FGF13: variants seen among roughly 807,000 people sequenced by gnomAD.
FGF13 encodes fibroblast growth factor 13.
A neutral mutation model predicts 19.5 loss-of-function variants in FGF13; 2 were observed. That is an observed-to-expected ratio of 0.10 (90% confidence interval 0.04 to 0.32). The LOEUF is 0.32. Ranked by LOEUF, FGF13 falls within the 10% of genes least tolerant of loss-of-function variation. The pLI, the probability that FGF13 is intolerant of heterozygous loss-of-function variation, is 1.00. For synonymous variants in FGF13, 72 were observed against 76.9 expected (o/e 0.94, Z 0.33); for missense variants, 113 against 192.7 (o/e 0.59, Z 2.45).
chrX:138,678,798 T>G lies in FGF13; in HGVS notation c.402+24186A>C, dbSNP rs1174052916. On this transcript the variant is annotated intron_variant, in intron 3 of 4. Coordinates refer to ENST00000315930, the MANE Select transcript of FGF13 (RefSeq NM_004114.5). The stretch of plus-strand genomic sequence containing the variant: ...CCAAATTAAACAGGGAACAAAGCAC[T>G]CACAAGAGATGTTTTTCTTTATAAA... 1.4e-4 allele frequency among the ~76,000 whole-genome samples: 16 copies of G among 112,178 alleles called. No homozygotes were observed. The South Asian group carries it at 5.6e-3, about 39-fold the overall frequency.
intron 3 of FGF13, among the ~76,000 whole-genome samples, chrX:138,800,090 T>A (rs1293911565): frequency 8.9e-6 from 1 of 112,242 alleles, no homozygotes; most frequent in Non-Finnish European, 1.9e-5. Context: ...ATTAATATTG[T>A]TATGTGTGAA....
intron 1 of FGF13, among the ~76,000 whole-genome samples, chrX:138,916,675 T>C (rs1250905176): frequency 8.0e-5 from 9 of 112,536 alleles, no homozygotes; most frequent in Non-Finnish European, 1.7e-4. Flanking sequence ...ACATTCTACA[T>C]GCTATTCAGG....
rs549942536 is a variant in FGF13, at chrX:139,042,782, C to T, written c.-113+160634G>A. On this transcript the variant is annotated intron_variant, in intron 1 of 2. Transcript: ENST00000421460. Reference sequence around the variant, plus strand: ...GAGAGTGAGGTCACTTATCATTGAGCGACATCCCCGTATAATGTTAAATTT... The same window carrying T: ...GAGAGTGAGGTCACTTATCATTGAGTGACATCCCCGTATAATGTTAAATTT... 8.1e-5 allele frequency among the ~76,000 whole-genome samples: 9 copies of T among 111,292 alleles called. No homozygotes were observed. The East Asian group carries it at 8.5e-4, about 11-fold the overall frequency.
rs747963406 is a variant in FGF13, at chrX:138,627,280, A to AT, written c.*5569dup. 2.1e-4 allele frequency: 24 copies of AT among 111,793 alleles called. No homozygotes were observed. The highest frequency in any genetic ancestry group is 1.4e-3 in the East Asian group (5 of 3,579). 9.2% of individuals were successfully genotyped at this position (111,793 alleles called of 1,213,427 possible). ...AGTGATTGACTCAAAAGGAGCTGAG[A>AT]TTTTACTCAATCATTATCCCATACG... On this transcript the variant is annotated 3_prime_UTR_variant, in exon 5 of 5. Coordinates refer to ENST00000315930, the MANE Select transcript of FGF13 (RefSeq NM_004114.5).
At chrX:139,202,296 G>A (rs1404558248) in intron 1 of FGF13, among the ~76,000 whole-genome samples, 1 of 111,951 alleles carries the variant, frequency 8.9e-6, no homozygotes, top group Non-Finnish European at 1.9e-5. Flanking sequence ...GGGGAATGAC[G>A]TGCCTAGATC....
chrX:139,070,276 T>C (rs778315752), intron 1 of FGF13, among the ~76,000 whole-genome samples: 18 of 111,352 alleles, frequency 1.6e-4, no homozygotes, highest in African/African-American at 5.9e-4. Flanking sequence ...TTTAAACAAA[T>C]TTACAAGAAA....
intron 1 of FGF13, among the ~76,000 whole-genome samples, chrX:139,180,481 T>C (rs1415831428): frequency 8.9e-6 from 1 of 111,940 alleles, no homozygotes; most frequent in Non-Finnish European, 1.9e-5. Context: ...CCTCAAAAAT[T>C]GAGTTTTCTG....
At position 139,022,486 on chromosome X, in the gene FGF13, C is replaced by T. The variant is rs59271304; in HGVS notation, c.-112-157836G>A. ...TTCTTCCGTTGGCTTCCCTCTACTC[C>T]GTCAAGTCCCTTTTTTCTTTCTTTA... On this transcript the variant is annotated intron_variant, in intron 1 of 2. Coordinates refer to the FGF13 transcript ENST00000421460. Among the ~76,000 whole-genome samples, 1,064 of 111,729 alleles carry T rather than the reference C, an allele frequency of 9.5e-3. 10 individuals are homozygous for T. The highest frequency in any genetic ancestry group is 0.032 in the African/African-American group (986 of 30,854).
At chrX:139,146,304 A>G (rs1323858717) in intron 1 of FGF13, among the ~76,000 whole-genome samples, 2 of 111,882 alleles carry the variant, frequency 1.8e-5, no homozygotes, top group African/African-American at 6.5e-5. Context: ...CAAAAAGTGG[A>G]CAAAGGATAT....
intron 1 of FGF13, among the ~76,000 whole-genome samples, chrX:138,888,354 A>G (rs2091461041): frequency 8.9e-6 from 1 of 111,750 alleles, no homozygotes; most frequent in Non-Finnish European, 1.9e-5. Context: ...CTGTTTCATT[A>G]TGATCCCAAG....
chrX:139,128,077 G>A (rs2083730055), intron 1 of FGF13, among the ~76,000 whole-genome samples: 1 of 110,643 alleles, frequency 9.0e-6, no homozygotes, highest in African/African-American at 3.3e-5. Context: ...AGAAGCTTAA[G>A]AAACTCAAGA....
Position 138,632,894 on chromosome X carries a change from C to A in FGF13, c.694G>T (p.Val232Leu). 8.3e-7 allele frequency: 1 copy of A among 1,210,582 alleles called. No homozygotes were observed. Among genetic ancestry groups the A allele is most frequent in the South Asian group, 1.8e-5 (1 of 56,815 alleles). ...TPTKSRSVSG[V>L]LNGGKSMSHN... ...CTCATGGATTTGCCTCCGTTCAGCA[C>A]GCCAGAGACACTTCTGCTCTTGGTT... Residue 232 changes from valine (V) to leucine (L), a missense_variant, in exon 5 of 5, where the codon GTG (valine) becomes TTG (leucine). Transcript: ENST00000315930.
At position 138,628,113 on chromosome X, in the gene FGF13, T is replaced by C. The variant is rs1485599559; in HGVS notation, c.*4737A>G. 1 of 111,222 alleles carries C rather than the reference T, an allele frequency of 9.0e-6. No homozygotes were observed. The highest frequency in any genetic ancestry group is 1.9e-5 in the Non-Finnish European group (1 of 53,020). The allele number at this position is 111,222 out of a possible 1,213,427, so 9.2% of individuals were successfully genotyped here. Reference sequence around the variant, plus strand: ...TCTAAGCTGGGATTTTTTTTCATTCTCTCTCTCTCTGTTTCTTGGAGATAA... The same window carrying C: ...TCTAAGCTGGGATTTTTTTTCATTCCCTCTCTCTCTGTTTCTTGGAGATAA... On this transcript the variant is annotated 3_prime_UTR_variant, in exon 5 of 5. Transcript: ENST00000315930.
Position 139,170,761 on chromosome X carries a change from T to G in FGF13, c.-113+32655A>C, listed in dbSNP as rs1231674206. On this transcript the variant is annotated intron_variant, in intron 1 of 2. Transcript: ENST00000421460. The stretch of plus-strand genomic sequence containing the variant: ...ATAAATATCTGTTCGTGACACTGCC[T>G]AGCTAATTCTCTGGATATGTCTTAG... 2.7e-5 allele frequency among the ~76,000 whole-genome samples: 3 copies of G among 111,756 alleles called. No homozygotes were observed. The Admixed American group carries it at 2.9e-4, about 11-fold the overall frequency.
chrX:138,995,572 T>C lies in FGF13; in HGVS notation c.-112-130922A>G, dbSNP rs189396554. 3.1e-4 allele frequency among the ~76,000 whole-genome samples: 35 copies of C among 112,669 alleles called. 1 individual carries two copies. Among genetic ancestry groups the C allele is most frequent in the African/African-American group, 1.1e-3 (35 of 31,028 alleles). On this transcript the variant is annotated intron_variant, in intron 1 of 2. Coordinates refer to the FGF13 transcript ENST00000421460. ...TGAGAACATACAGTGTTTGGTTTTC[T>C]GTTCCTGCTTTAGTTTGCTAAGTAT...
chrX:139,090,121 CTAA>C (rs1569452085), intron 1 of FGF13, among the ~76,000 whole-genome samples: 1 of 112,183 alleles, frequency 8.9e-6, no homozygotes. Context: ...AAAACTACTA[CTAA>C]TAATAAGCTA....
At chrX:138,857,007 G>A (rs1357064651), downstream of FGF13, among the ~76,000 whole-genome samples, 1 of 111,966 alleles carries the variant, frequency 8.9e-6, no homozygotes, top group East Asian at 2.8e-4. Context: ...GTGCAACGGG[G>A]CGTGCATTAT....
chrX:138,886,233 C>A (rs191170454), intron 1 of FGF13, among the ~76,000 whole-genome samples: 76 of 111,919 alleles, frequency 6.8e-4, no homozygotes, highest in Admixed American at 6.7e-3. Flanking sequence ...ACCAAAGCCC[C>A]TACCCCCACC....
chrX:138,734,316 T>G (rs2090256416), intron 1 of FGF13, among the ~76,000 whole-genome samples: 1 of 111,714 alleles, frequency 9.0e-6, no homozygotes, highest in Non-Finnish European at 1.9e-5. Context: ...ATAGCAGTGG[T>G]TAACTAAGTC....
Sources: gnomAD v4.1 joint callset for allele counts (sites outside exome capture counted in the v4.1 genomes callset) on GRCh38, gnomAD v4.1.1 for gene constraint, MANE v1.5 for transcripts, NCBI Gene and HGNC (gene_info 2026-07-23, HGNC 2026-07-21) for gene names.